The following GRXCR1 variants were observed in gnomAD, a reference collection of about 807,000 sequenced individuals.
GRXCR1 encodes glutaredoxin and cysteine rich domain containing 1, also known as glutaredoxin domain-containing cysteine-rich protein 1.
Under a neutral mutation model 27.3 loss-of-function variants are expected in GRXCR1, and 27 were observed. The ratio of observed to expected loss-of-function variants is 0.99; its 90% CI spans 0.73 to 1.37. The LOEUF is 1.37. GRXCR1 is among the 40% of genes most tolerant of loss of function. The pLI, the probability that GRXCR1 is intolerant of heterozygous loss-of-function variation, is 0.00. For synonymous variants in GRXCR1, 122 were observed against 131.1 expected, an observed-to-expected ratio of 0.93 and a Z score of 0.47; for missense variants, 379 against 354.4, an observed-to-expected ratio of 1.07 and a Z score of -0.56.
intron 3 of GRXCR1, among the ~76,000 whole-genome samples, chr4:43,029,806 G>A (rs767712491): frequency 6.6e-6 from 1 of 152,098 alleles, no homozygotes; most frequent in Non-Finnish European, 1.5e-5. Context: ...TTGTTAGGGT[G>A]GGTGAAGATT....
intron 1 of GRXCR1, among the ~76,000 whole-genome samples, chr4:42,937,433 C>G (rs557827265): frequency 1.3e-5 from 2 of 151,762 alleles, no homozygotes; most frequent in Non-Finnish European, 2.9e-5. Context: ...TATCTGGGAG[C>G]CAAGAGAGCT....
intron 2 of GRXCR1, among the ~76,000 whole-genome samples, chr4:42,980,827 T>C (rs1226593185): frequency 6.6e-6 from 1 of 152,084 alleles, no homozygotes; most frequent in Non-Finnish European, 1.5e-5. Flanking sequence ...GTTATGTGCA[T>C]ATACATTTAT....
intron 1 of GRXCR1, among the ~76,000 whole-genome samples, chr4:42,946,855 T>G (rs759698127): frequency 6.6e-6 from 1 of 152,184 alleles, no homozygotes; most frequent in Non-Finnish European, 1.5e-5. Context: ...GCAGTGTCTA[T>G]GATCATGTTT....
rs577739925 is a variant in GRXCR1, at chr4:42,932,876, C to A, written c.385-30016C>A. Among the ~76,000 whole-genome samples, 3 of 151,536 alleles carry A rather than the reference C, an allele frequency of 2.0e-5. No individual in the cohort carries two copies. The South Asian group carries it at 6.3e-4, about 32-fold the overall frequency. Reference sequence around the variant, plus strand: ...TTGGGAGAATGTACTCCTCCATTGACCCTCATCCTATGCCTTGAGGTGGAG... The same window carrying A: ...TTGGGAGAATGTACTCCTCCATTGAACCTCATCCTATGCCTTGAGGTGGAG... On this transcript the variant is annotated intron_variant, in intron 1 of 3. Transcript: ENST00000399770.
chr4:42,916,578 T>C (rs1746891445), intron 1 of GRXCR1, among the ~76,000 whole-genome samples: 1 of 152,136 alleles, frequency 6.6e-6, no homozygotes, highest in Non-Finnish European at 1.5e-5. Flanking sequence ...ACATAAACAT[T>C]CTTGTCTGGA....
chr4:42,987,231 A>G (rs868637102), intron 2 of GRXCR1, among the ~76,000 whole-genome samples: 3 of 86,532 alleles, frequency 3.5e-5, no homozygotes, highest in African/African-American at 1.4e-4. Context: ...ATTATATATT[A>G]TATATATATA....
intron 3 of GRXCR1, among the ~76,000 whole-genome samples, chr4:43,021,959 A>G (rs572922907): frequency 2.0e-4 from 31 of 152,226 alleles, no homozygotes; most frequent in African/African-American, 7.0e-4. Context: ...TTCACCTGCC[A>G]GTATCTTGAT....
chr4:42,898,734 C>A (rs2109736616), intron 1 of GRXCR1, among the ~76,000 whole-genome samples: 1 of 152,146 alleles, frequency 6.6e-6, no homozygotes, highest in African/African-American at 2.4e-5. Flanking sequence ...TAATTATGAT[C>A]TGAGCTTCTT....
At chr4:42,927,013 A>G (rs1747171518) in intron 1 of GRXCR1, among the ~76,000 whole-genome samples, 1 of 152,044 alleles carries the variant, frequency 6.6e-6, no homozygotes, top group Non-Finnish European at 1.5e-5. Context: ...AACAAAACTA[A>G]CCATCACCCA....
chr4:42,980,849 G>A (rs1748646524), intron 2 of GRXCR1, among the ~76,000 whole-genome samples: 1 of 151,346 alleles, frequency 6.6e-6, no homozygotes, highest in Non-Finnish European at 1.5e-5. Context: ...ATATTTTTTG[G>A]TTTCCATTTT....
At chr4:42,984,793 G>A (rs541965224) in intron 2 of GRXCR1, among the ~76,000 whole-genome samples, 10 of 152,196 alleles carry the variant, frequency 6.6e-5, no homozygotes, top group Non-Finnish European at 1.3e-4. Context: ...TGGGGCTGCT[G>A]AAGTTGGCCT....
chr4:42,927,649 TAAGA>T (rs889223032), intron 1 of GRXCR1, among the ~76,000 whole-genome samples: 1 of 151,696 alleles, frequency 6.6e-6, no homozygotes, highest in African/African-American at 2.4e-5. Context: ...TGTCTGGACC[TAAGA>T]AAGAAAGAAC....
intron 2 of GRXCR1, among the ~76,000 whole-genome samples, chr4:43,018,070 G>A (rs1334008140): frequency 2.0e-5 from 3 of 152,186 alleles, no homozygotes; most frequent in African/African-American, 7.2e-5. Flanking sequence ...GAGAGAAGGC[G>A]ATCATTTGAT....
chr4:42,950,176 C>G (rs537519378), intron 1 of GRXCR1, among the ~76,000 whole-genome samples: 2 of 152,212 alleles, frequency 1.3e-5, no homozygotes, highest in African/African-American at 4.8e-5. Context: ...CACTGGGGTT[C>G]TTGTAACAAA....
intron 1 of GRXCR1, among the ~76,000 whole-genome samples, chr4:42,935,646 C>T (rs889667429): frequency 1.1e-4 from 17 of 151,874 alleles, no homozygotes; most frequent in Non-Finnish European, 2.2e-4. Flanking sequence ...TGAAGAACCT[C>T]TGAGACATGG....
intron 3 of GRXCR1, among the ~76,000 whole-genome samples, chr4:43,026,943 A>T (rs545553206): frequency 2.0e-4 from 31 of 152,316 alleles, no homozygotes; most frequent in African/African-American, 7.5e-4. Context: ...ATTCTCCAAG[A>T]CAACAGAAAT....
At chr4:42,930,749 A>T (rs1272437324) in intron 1 of GRXCR1, among the ~76,000 whole-genome samples, 2 of 152,014 alleles carry the variant, frequency 1.3e-5, no homozygotes, top group African/African-American at 4.8e-5. Flanking sequence ...CAGATCATCG[A>T]TAGACATAGT....
chr4:43,027,480 T>C (rs536956407), intron 3 of GRXCR1, among the ~76,000 whole-genome samples: 2 of 152,354 alleles, frequency 1.3e-5, no homozygotes, highest in South Asian at 4.1e-4. Flanking sequence ...TTGAAAGTAA[T>C]ATTTGTAAGT....
chr4:42,916,811 A>G (rs1323381831), intron 1 of GRXCR1, among the ~76,000 whole-genome samples: 1 of 152,124 alleles, frequency 6.6e-6, no homozygotes, highest in Non-Finnish European at 1.5e-5. Context: ...TTCTACATCC[A>G]AGATTAAGTA....
Sources: allele counts gnomAD v4.1 joint callset (sites outside exome capture counted in the v4.1 genomes callset), GRCh38; gene constraint gnomAD v4.1.1; transcripts MANE v1.5; gene names NCBI Gene and HGNC (gene_info 2026-07-23, HGNC 2026-07-21).